Variants in MAGI1 observed in about 807,000 individuals in gnomAD.
MAGI1 encodes the protein membrane associated guanylate kinase, WW and PDZ domain containing 1, also known as membrane-associated guanylate kinase, WW and PDZ domain-containing protein 1.
MAGI1 carries 58 observed loss-of-function variants against 139.9 expected under a neutral mutation model. That is an observed-to-expected ratio of 0.41 (90% CI 0.34 to 0.52). The LOEUF is 0.52. Ranked by LOEUF, MAGI1 falls within the 20% of genes least tolerant of loss-of-function variation. The probability of loss-of-function intolerance (pLI) is 0.12; values close to 1 mark genes in which losing one functional copy is unlikely to be tolerated. For missense variants in MAGI1, 1,874 were observed against 1,901.6 expected (o/e 0.99, Z 0.27); for synonymous variants, 812 against 737.9 (o/e 1.10, Z -1.63).
chr3:65,415,395 C>T (rs141920940), intron 12 of MAGI1, among the ~76,000 whole-genome samples: 5 of 152,262 alleles, frequency 3.3e-5, no homozygotes, highest in Non-Finnish European at 7.4e-5. Context: ...TGTAACAGGC[C>T]CTCTTCTTAT....
chr3:65,354,864 G>A lies in MAGI1; in HGVS notation c.*1514C>T, dbSNP rs967384703. ...AATTACAATTTTTAGCTCTGTACAC[G>A]CAATGATTGGCTGGTTTTCTTTTTT... On this transcript the variant is annotated 3_prime_UTR_variant, in exon 23 of 23. Coordinates refer to ENST00000402939, the MANE Select transcript of MAGI1 (RefSeq NM_001033057.2). The A allele has an allele frequency of 6.7e-6, 1 of 150,138 alleles. No homozygotes were observed. Among genetic ancestry groups the A allele is most frequent in the African/African-American group, 2.5e-5 (1 of 40,718 alleles). The allele number at this position is 150,138 out of a possible 1,614,324, so 9.3% of individuals were successfully genotyped here.
At chr3:65,981,049 T>A (rs2065549459) in intron 1 of MAGI1, among the ~76,000 whole-genome samples, 1 of 149,200 alleles carries the variant, frequency 6.7e-6, no homozygotes, top group South Asian at 2.1e-4. Flanking sequence ...TAATCCCAGG[T>A]ACTTGGGAGG....
Position 65,356,902 on chromosome 3 carries a change from G to C in MAGI1, c.3865C>G (p.Pro1289Ala), listed in dbSNP as rs767747158. ...HHTWNGTSRKPDSGACRPKDR... is the reference protein window; with the variant it reads ...HHTWNGTSRKADSGACRPKDR... ...TTGGGTCGGCATGCCCCGCTGTCGG[G>C]TTTCCTCGAAGTCCCATTCCAGGTG... is the stretch of plus-strand genomic sequence containing the variant. Residue 1289 changes from proline to alanine, a missense_variant, in exon 23 of 23, where the codon CCC (proline) becomes GCC (alanine). Coordinates refer to ENST00000402939, the MANE Select transcript of MAGI1 (RefSeq NM_001033057.2). 1 of 1,614,160 alleles carries C rather than the reference G, an allele frequency of 6.2e-7. No individual in the cohort carries two copies. The highest frequency in any genetic ancestry group is 8.5e-7 in the Non-Finnish European group (1 of 1,180,004).
At chr3:65,702,616 G>A (rs1263310066) in intron 1 of MAGI1, among the ~76,000 whole-genome samples, 2 of 152,024 alleles carry the variant, frequency 1.3e-5, no homozygotes, top group African/African-American at 2.4e-5. Flanking sequence ...ACACGCCTTT[G>A]CATCCTTCAG....
rs150882160 is a variant in MAGI1 at position 65,483,968 on chromosome 3, T to C, written c.551-5170A>G. Among the ~76,000 whole-genome samples the C allele has an allele frequency of 3.2e-3, 491 of 152,330 alleles. 2 individuals carry two copies. Among genetic ancestry groups the C allele is most frequent in the African/African-American group, 0.011 (478 of 41,568 alleles). ...TAAGCTAGGATGAATCAAATCTATA[T>C]GGCTTTCAAATTATACAAATTTACT... On this transcript the variant is annotated intron_variant, in intron 3 of 22. Transcript: ENST00000402939.
intron 5 of MAGI1, among the ~76,000 whole-genome samples, chr3:65,457,507 T>C (rs1162448983): frequency 6.6e-6 from 1 of 152,214 alleles, no homozygotes; most frequent in East Asian, 1.9e-4. Flanking sequence ...TTCATTAGCA[T>C]TTTATAGTTT....
chr3:65,512,540 A>G (rs1408810871), intron 2 of MAGI1, among the ~76,000 whole-genome samples: 1 of 151,680 alleles, frequency 6.6e-6, no homozygotes, highest in Non-Finnish European at 1.5e-5. Context: ...CTACGCAAAT[A>G]AAATAGAAAA....
chr3:65,786,993 A>G (rs2039440077), intron 1 of MAGI1, among the ~76,000 whole-genome samples: 1 of 152,048 alleles, frequency 6.6e-6, no homozygotes, highest in Non-Finnish European at 1.5e-5. Context: ...TTTTTCCATC[A>G]ATGCACCTCT....
chr3:65,760,599 G>A (rs769299732), intron 1 of MAGI1, among the ~76,000 whole-genome samples: 2 of 152,010 alleles, frequency 1.3e-5, no homozygotes, highest in Non-Finnish European at 2.9e-5. Flanking sequence ...GTAAAGACGG[G>A]GTCTCCCTAT....
At chr3:66,003,163 T>C (rs1314921814) in intron 1 of MAGI1, among the ~76,000 whole-genome samples, 1 of 152,148 alleles carries the variant, frequency 6.6e-6, no homozygotes, top group Non-Finnish European at 1.5e-5. Context: ...GGTGCAAAAC[T>C]ACAAAGCCCT....
intron 1 of MAGI1, among the ~76,000 whole-genome samples, chr3:65,671,439 C>T (rs768923908): frequency 2.0e-5 from 3 of 152,150 alleles, no homozygotes; most frequent in Non-Finnish European, 2.9e-5. Context: ...CCCAAATGAG[C>T]TGGCCAAATG....
chr3:65,531,365 C>T (rs1358769264), intron 2 of MAGI1, among the ~76,000 whole-genome samples: 1 of 152,162 alleles, frequency 6.6e-6, no homozygotes, highest in East Asian at 1.9e-4. Flanking sequence ...CAGTGCATGC[C>T]TAATACATTA....
intron 1 of MAGI1, among the ~76,000 whole-genome samples, chr3:65,901,077 T>A (rs2061210678): frequency 6.6e-6 from 1 of 152,248 alleles, no homozygotes; most frequent in African/African-American, 2.4e-5. Context: ...AACCCTTACC[T>A]TGGGTATGCT....
intron 2 of MAGI1, among the ~76,000 whole-genome samples, chr3:65,538,544 A>G (rs1372266992): frequency 1.3e-5 from 2 of 152,194 alleles, no homozygotes; most frequent in Admixed American, 1.3e-4. Context: ...CTGGCATTGA[A>G]CTGCAATATA....
chr3:65,778,247 T>G (rs2038632799), intron 1 of MAGI1, among the ~76,000 whole-genome samples: 2 of 151,952 alleles, frequency 1.3e-5, no homozygotes, highest in Admixed American at 1.3e-4. Context: ...CTGGCCAACA[T>G]GGTGAAACTT....
At chr3:65,480,484 G>A (rs1951204961) in intron 3 of MAGI1, among the ~76,000 whole-genome samples, 1 of 150,526 alleles carries the variant, frequency 6.6e-6, no homozygotes. Context: ...ACAGTAAGCA[G>A]AGATCGTGGT....
intron 2 of MAGI1, among the ~76,000 whole-genome samples, chr3:65,545,993 C>T (rs151142619): frequency 1.0e-4 from 15 of 143,248 alleles, no homozygotes; most frequent in South Asian, 6.4e-4. Context: ...CACACACACA[C>T]GCACACACAC....
At chr3:65,594,417 G>A (rs756051202) in intron 2 of MAGI1, among the ~76,000 whole-genome samples, 5 of 152,212 alleles carry the variant, frequency 3.3e-5, no homozygotes, top group East Asian at 1.9e-4. Flanking sequence ...CAACAAGACC[G>A]AGGAAGCAAA....
chr3:65,395,771 G>A (rs774231524), intron 13 of MAGI1, among the ~76,000 whole-genome samples: 11 of 151,844 alleles, frequency 7.2e-5, no homozygotes, highest in African/African-American at 1.5e-4. Context: ...TGTGGGCTAC[G>A]TAAGGAGTTT....
Sources: allele counts gnomAD v4.1 joint callset (sites outside exome capture counted in the v4.1 genomes callset), GRCh38; gene constraint gnomAD v4.1.1; transcripts MANE v1.5; gene names NCBI Gene and HGNC (gene_info 2026-07-23, HGNC 2026-07-21).